The following PDE8B variants were observed in gnomAD, a reference collection of about 807,000 sequenced individuals.
PDE8B encodes phosphodiesterase 8B.
PDE8B carries 26 observed loss-of-function variants against 101.3 expected under a neutral mutation model. The ratio of observed to expected loss-of-function variants is 0.26; its 90% CI spans 0.19 to 0.36. The LOEUF (loss-of-function observed/expected upper bound fraction) is 0.36. PDE8B is among the 10% of genes least tolerant of loss of function. The pLI, the probability that PDE8B is intolerant of heterozygous loss-of-function variation, is 1.00. For synonymous variants in PDE8B, 424 were observed against 429.3 expected (o/e 0.99, Z 0.15); for missense variants, 810 against 1,163.1 (o/e 0.70, Z 4.42).
chr5:77,284,657 T>A (rs1765646065), intron 1 of PDE8B, among the ~76,000 whole-genome samples: 1 of 152,204 alleles, frequency 6.6e-6, no homozygotes, highest in South Asian at 2.1e-4. Context: ...CTCCCTCCCT[T>A]TCTATTCACA....
At chr5:77,362,694 C>T (rs1157861966) in intron 10 of PDE8B, among the ~76,000 whole-genome samples, 2 of 152,172 alleles carry the variant, frequency 1.3e-5, no homozygotes, top group Admixed American at 6.5e-5. Flanking sequence ...CTTCCTGCCC[C>T]GCTTTCCCTG....
intron 20 of PDE8B, among the ~76,000 whole-genome samples, chr5:77,425,144 T>A (rs528298401): frequency 1.3e-5 from 2 of 152,240 alleles, no homozygotes; most frequent in Admixed American, 6.5e-5. Flanking sequence ...AGTTTTGGTA[T>A]GAGAATTTGT....
intron 1 of PDE8B, among the ~76,000 whole-genome samples, chr5:77,297,695 G>A (rs1264802369): frequency 1.3e-5 from 2 of 152,172 alleles, no homozygotes; most frequent in Non-Finnish European, 2.9e-5. Context: ...CACCACAGCA[G>A]CCTTCTGTGA....
chr5:77,412,297 T>C, intron 16 of PDE8B, 62 bp downstream of exon 16: 1 of 1,574,040 alleles, frequency 6.4e-7, no homozygotes, highest in Admixed American at 1.7e-5. Flanking sequence ...ACTCTCACAT[T>C]TGGAAACTTT....
intron 1 of PDE8B, among the ~76,000 whole-genome samples, chr5:77,277,686 A>T (rs1299304764): frequency 6.6e-6 from 1 of 152,062 alleles, no homozygotes; most frequent in African/African-American, 2.4e-5. Context: ...TGTTCATTTT[A>T]CAGGAAATGG....
intron 5 of PDE8B, among the ~76,000 whole-genome samples, chr5:77,333,031 C>A (rs372632656): frequency 2.0e-5 from 3 of 151,696 alleles, no homozygotes; most frequent in African/African-American, 7.3e-5. Context: ...GAAGCAAAAA[C>A]TACCTTTGTG....
intron 7 of PDE8B, 112 bp from the exon 8 acceptor site, chr5:77,349,307 T>G: frequency 7.0e-7 from 1 of 1,423,496 alleles, no homozygotes; most frequent in Non-Finnish European, 9.9e-7. Context: ...CCTGGGAACT[T>G]CTTGCTTGAT....
At chr5:77,321,665 A>C (rs951555739) in intron 2 of PDE8B, among the ~76,000 whole-genome samples, 3 of 152,180 alleles carry the variant, frequency 2.0e-5, no homozygotes, top group Admixed American at 2.0e-4. Context: ...GGTGATTACT[A>C]TAGTGTTTTA....
chr5:77,332,576 G>A (rs1777347264), intron 5 of PDE8B, among the ~76,000 whole-genome samples: 2 of 152,118 alleles, frequency 1.3e-5, no homozygotes, highest in Admixed American at 6.5e-5. Context: ...GGTGGCTCAC[G>A]CCTGTAATCC....
At chr5:77,424,540 G>A (rs1430455961) in intron 20 of PDE8B, among the ~76,000 whole-genome samples, 1 of 152,138 alleles carries the variant, frequency 6.6e-6, no homozygotes, top group African/African-American at 2.4e-5. Flanking sequence ...TAATACCCAA[G>A]TTTGAACAAT....
At chr5:77,106,380 A>C in the PDE8B span, 2 of 152,204 alleles carry the variant, frequency 1.3e-5, no homozygotes, top group Admixed American at 1.3e-4. Flanking sequence ...TATCTTTTGC[A>C]ATGAATGTCC....
chr5:77,146,796 T>C, the PDE8B span: 1 of 346,286 alleles, frequency 2.9e-6, no homozygotes. Context: ...GATGAAAACC[T>C]ATATCCCTCC....
intron 1 of PDE8B, among the ~76,000 whole-genome samples, chr5:77,294,518 G>A (rs1297285331): frequency 6.6e-6 from 1 of 151,908 alleles, no homozygotes; most frequent in Admixed American, 6.6e-5. Context: ...TATTTCAAAT[G>A]AGCTAAAAGA....
At chr5:77,319,340 T>A (rs1774513233) in intron 2 of PDE8B, among the ~76,000 whole-genome samples, 1 of 152,194 alleles carries the variant, frequency 6.6e-6, no homozygotes, top group South Asian at 2.1e-4. Context: ...TAACCATAAC[T>A]TTTTTTAGCC....
At chr5:77,263,238 A>G (rs1158081867) in intron 1 of PDE8B, among the ~76,000 whole-genome samples, 1 of 152,208 alleles carries the variant, frequency 6.6e-6, no homozygotes, top group Non-Finnish European at 1.5e-5. Context: ...TTTGTAAGAG[A>G]ATAGGAAATG....
chr5:77,207,635 C>A (rs1747612105), upstream of PDE8B, among the ~76,000 whole-genome samples: 1 of 152,090 alleles, frequency 6.6e-6, no homozygotes, highest in African/African-American at 2.4e-5. Context: ...ACCTGGGATG[C>A]ATTGAAGTGG....
chr5:77,189,486 G>T, the PDE8B span, among the ~76,000 whole-genome samples: 1 of 152,068 alleles, frequency 6.6e-6, no homozygotes, highest in Non-Finnish European at 1.5e-5. Flanking sequence ...AAATAGCATG[G>T]TCAGAGAATG....
At chr5:77,165,781 G>A in the PDE8B span, among the ~76,000 whole-genome samples, 5 of 152,008 alleles carry the variant, frequency 3.3e-5, no homozygotes, top group Admixed American at 6.5e-5. Flanking sequence ...CAAGCTGGGC[G>A]GATCACTTGA....
chr5:77,392,624 A>G (rs1009544546), intron 10 of PDE8B, among the ~76,000 whole-genome samples: 1 of 152,200 alleles, frequency 6.6e-6, no homozygotes, highest in Non-Finnish European at 1.5e-5. Flanking sequence ...TATTCAGAAG[A>G]CAGCATGGCA....
Sources: allele counts gnomAD v4.1 joint callset (sites outside exome capture counted in the v4.1 genomes callset), GRCh38; gene constraint gnomAD v4.1.1; transcripts MANE v1.5; gene names NCBI Gene and HGNC (gene_info 2026-07-23, HGNC 2026-07-21).